TMSB10: variants seen among roughly 807,000 people sequenced by gnomAD.
TMSB10 encodes thymosin beta-10.
A neutral mutation model predicts 4.5 loss-of-function variants in TMSB10; 4 were observed. That is an observed-to-expected ratio of 0.89 (90% confidence interval 0.44 to 2.03). The LOEUF (loss-of-function observed/expected upper bound fraction) is 2.03, where lower values mean the gene tolerates loss of function less well. Among genes scored for constraint, TMSB10 ranks in the 30% most tolerant of loss-of-function variants. The pLI, the probability that TMSB10 is intolerant of heterozygous loss-of-function variation, is 0.03. For synonymous variants in TMSB10, 17 were observed against 20.3 expected, an observed-to-expected ratio of 0.84 and a Z score of 0.44; for missense variants, 44 against 53.9, an observed-to-expected ratio of 0.82 and a Z score of 0.57.
At chr2:84,906,244 T>A in intron 2 of TMSB10, 127 bp downstream of exon 2, 1 of 1,433,960 alleles carries the variant, frequency 7.0e-7, no homozygotes, top group Non-Finnish European at 9.4e-7. Context: ...CTCTTTCAGT[T>A]TCACAAAGCG....
rs1033603777 is a variant in TMSB10 at position 84,905,793 on chromosome 2, C to T, written c.-16+75C>T. The T allele has an allele frequency of 5.4e-5, 22 of 404,472 alleles. No homozygotes were observed. The East Asian group carries it at 1.0e-3, about 18-fold the overall frequency. The allele number at this position is 404,472 out of a possible 1,614,324, so 25.1% of individuals were successfully genotyped here. On this transcript the variant is annotated intron_variant, in intron 1 of 2. Transcript: ENST00000233143. ...GGTGCACCGGGCGGGCGCGCCGCAA[C>T]CGCGACAGGCGCCCTTCTCGGACCG... is the stretch of plus-strand genomic sequence containing the variant.
At chr2:84,905,833 C>T (rs1429788784) in intron 1 of TMSB10, 115 bp downstream of exon 1, 9 of 480,142 alleles carry the variant, frequency 1.9e-5, no homozygotes, top group Non-Finnish European at 2.9e-5. Context: ...CAGGGGCCGG[C>T]GACCACGCCC....
At chr2:84,905,825 G>T in intron 1 of TMSB10, 107 bp downstream of exon 1, 1 of 462,914 alleles carries the variant, frequency 2.2e-6, no homozygotes, top group Non-Finnish European at 3.8e-6. Flanking sequence ...ACCGGACGCA[G>T]GGGCCGGCGA....
rs1375284175 is a variant in TMSB10, at chr2:84,906,507, G to T, written c.*84G>T. On this transcript the variant is annotated 3_prime_UTR_variant, in exon 3 of 3. Transcript: ENST00000233143. ...AGAGCCACCTGCAAGATGGACACGA[G>T]CCACAAGCTGCACTGTGAACCTGGG... 6.0e-6 allele frequency: 9 copies of T among 1,494,612 alleles called. No homozygotes were observed. The African/African-American group carries it at 1.2e-4, about 21-fold the overall frequency. The allele number at this position is 1,494,612 out of a possible 1,614,324, so 92.6% of individuals were successfully genotyped here. A position where few individuals can be genotyped will look rare whatever the true frequency, so the allele number is the denominator to read the frequency against.
rs1683696887 is a variant in TMSB10, at chr2:84,906,466, G to C, written c.*43G>C. The C allele has an allele frequency of 6.3e-7, 1 of 1,583,524 alleles. No individual in the cohort carries two copies. The highest frequency in any genetic ancestry group is 1.3e-5 in the African/African-American group (1 of 74,376). ...TACCCCCGTCCTCTTCGAGACCCCA[G>C]TCGTGATGTGGAGGAAGAGCCACCT... is the stretch of plus-strand genomic sequence containing the variant. On this transcript the variant is annotated 3_prime_UTR_variant, in exon 3 of 3. Coordinates refer to ENST00000233143, the MANE Select transcript of TMSB10 (RefSeq NM_021103.4).
chr2:84,905,959 G>C, intron 1 of TMSB10, 44 bp from the exon 2 acceptor site: 1 of 1,527,762 alleles, frequency 6.5e-7, no homozygotes, highest in Non-Finnish European at 9.0e-7. Flanking sequence ...GGAAGGGGAC[G>C]CTGGCCCCCA....
At chr2:84,905,849 C>A in intron 1 of TMSB10, 131 bp downstream of exon 1, 1 of 567,800 alleles carries the variant, frequency 1.8e-6, no homozygotes, top group Non-Finnish European at 3.0e-6. Context: ...CGCCCTGGGA[C>A]CGAGAAGAGG....
chr2:84,906,327 G>C (rs982198270), intron 2 of TMSB10, 62 bp from the exon 3 acceptor site: 11 of 1,544,614 alleles, frequency 7.1e-6, no homozygotes, highest in Middle Eastern at 1.7e-4. Context: ...ACACCGGGAA[G>C]CACCTCGGTT....
At position 84,906,588 on chromosome 2, in the gene TMSB10, G is replaced by A; in HGVS notation, c.*165G>A. Reference sequence around the variant, plus strand: ...TCTCTGAAGGGACCCCCCCCCAATCGGACTGCCAAATTCTCCGGTTTGCCC... The same window carrying A: ...TCTCTGAAGGGACCCCCCCCCAATCAGACTGCCAAATTCTCCGGTTTGCCC... On this transcript the variant is annotated 3_prime_UTR_variant, in exon 3 of 3. Transcript: ENST00000233143. The A allele has an allele frequency of 1.6e-6, 1 of 612,704 alleles. No individual in the cohort carries two copies. The highest frequency in any genetic ancestry group is 3.5e-5 in the South Asian group (1 of 28,220). 38.0% of individuals were successfully genotyped at this position (612,704 alleles called of 1,614,324 possible).
At position 84,906,101 on chromosome 2, in the gene TMSB10, C is replaced by G. The variant is rs1461738314; in HGVS notation, c.84C>G (p.Thr28=). 1 of 1,614,006 alleles carries G rather than the reference C, an allele frequency of 6.2e-7. No individual in the cohort carries two copies. The highest frequency in any genetic ancestry group is 8.5e-7 in the Non-Finnish European group (1 of 1,179,948). Residue 28 remains threonine, a synonymous_variant, in exon 2 of 3, where the codon ACC becomes ACG. Coordinates refer to ENST00000233143, the MANE Select transcript of TMSB10 (RefSeq NM_021103.4). ...AAACGGAGACGCAGGAGAAGAACAC[C>G]CTGCCGACCAAAGAGAGTGAGTGTG... ...LKKTETQEKN[T]LPTKETIEQE... is the part of the protein sequence containing the mutation.
Position 84,906,042 on chromosome 2 carries a change from G to A in TMSB10, c.25G>A (p.Glu9Lys). The A allele has an allele frequency of 1.2e-6, 2 of 1,614,052 alleles. No homozygotes were observed. Among genetic ancestry groups the A allele is most frequent in the South Asian group, 2.2e-5 (2 of 91,078 alleles). ...AATGGCAGACAAACCAGACATGGGG[G>A]AAATCGCCAGCTTCGATAAGGCCAA... The part of the protein sequence containing the change: MADKPDMG[E>K]IASFDKAKLK... Residue 9 changes from glutamate to lysine, a missense_variant, in exon 2 of 3, where the codon GAA becomes AAA. By Grantham distance (56) the Glu-to-Lys change is moderately conservative (BLOSUM62 1). Coordinates refer to ENST00000233143, the MANE Select transcript of TMSB10 (RefSeq NM_021103.4).
intron 2 of TMSB10, 46 bp from the exon 3 acceptor site, chr2:84,906,343 T>C: frequency 6.4e-7 from 1 of 1,566,338 alleles, no homozygotes; most frequent in Non-Finnish European, 8.7e-7. Context: ...CGGTTGCGGG[T>C]GGGGGTTGCA....
chr2:84,905,850 C>T, intron 1 of TMSB10, 132 bp downstream of exon 1: 2 of 571,392 alleles, frequency 3.5e-6, no homozygotes, highest in Non-Finnish European at 6.0e-6. Flanking sequence ...GCCCTGGGAC[C>T]GAGAAGAGGG....
chr2:84,906,440 C>T lies in TMSB10; in HGVS notation c.*17C>T. ...ATTTCCTAAGATCCTGGAGGATTTC[C>T]TACCCCCGTCCTCTTCGAGACCCCA... On this transcript the variant is annotated 3_prime_UTR_variant, in exon 3 of 3. Coordinates refer to ENST00000233143, the MANE Select transcript of TMSB10 (RefSeq NM_021103.4). The T allele has an allele frequency of 6.2e-7, 1 of 1,604,452 alleles. No individual in the cohort carries two copies.
At position 84,906,163 on chromosome 2, in the gene TMSB10, T is replaced by A. The variant is rs574777968; in HGVS notation, c.100+46T>A. The A allele has an allele frequency of 1.4e-4, 220 of 1,576,456 alleles. 4 individuals carry two copies. In the South Asian group the frequency reaches 2.5e-3, roughly 18 times the overall value. ...CGCGCCCCAGCCCAGCCCCTCACCC[T>A]GCTCTTCCTTGCAAACCCACTCCTC... On this transcript the variant is annotated intron_variant, in intron 2 of 2. Coordinates refer to ENST00000233143, the MANE Select transcript of TMSB10 (RefSeq NM_021103.4).
chr2:84,906,662 C>T lies in TMSB10; in HGVS notation c.*239C>T. The T allele has an allele frequency of 2.4e-6, 1 of 412,416 alleles. No individual in the cohort carries two copies. The highest frequency in any genetic ancestry group is 4.3e-6 in the Non-Finnish European group (1 of 232,542). 25.5% of individuals were successfully genotyped at this position (412,416 alleles called of 1,614,324 possible). A position where few individuals can be genotyped will look rare whatever the true frequency, so the allele number is the denominator to read the frequency against. ...GTATGAATAATGAAAATAAAACACA[C>T]CTCGTGGCATGGCTGGCGTGGTCTG... On this transcript the variant is annotated 3_prime_UTR_variant, in exon 3 of 3. Transcript: ENST00000233143.
intron 1 of TMSB10, 23 bp from the exon 2 acceptor site, chr2:84,905,980 A>C: frequency 6.2e-7 from 1 of 1,603,098 alleles, no homozygotes; most frequent in Non-Finnish European, 8.5e-7. Context: ...GGCCCAGGTC[A>C]AGCGCCTTGG....
intron 2 of TMSB10, 102 bp downstream of exon 2, chr2:84,906,219 G>C: frequency 1.4e-6 from 2 of 1,450,148 alleles, no homozygotes; most frequent in Non-Finnish European, 1.9e-6. Flanking sequence ...TCCCCGGTGT[G>C]GGCGGCCCCG....
In TMSB10 at chr2:84,906,583, C is replaced by T. The variant is rs991995204; in HGVS notation, c.*160C>T. On this transcript the variant is annotated 3_prime_UTR_variant, in exon 3 of 3. Transcript: ENST00000233143. ...GTGGGTCTCTGAAGGGACCCCCCCCCAATCGGACTGCCAAATTCTCCGGTT... is the reference window on the plus strand; with the variant it reads ...GTGGGTCTCTGAAGGGACCCCCCCCTAATCGGACTGCCAAATTCTCCGGTT... 27 of 644,732 alleles carry T rather than the reference C, an allele frequency of 4.2e-5. No individual in the cohort carries two copies. Among genetic ancestry groups the T allele is most frequent in the African/African-American group, 4.0e-4 (21 of 52,976 alleles). The allele number at this position is 644,732 out of a possible 1,614,324, so 39.9% of individuals were successfully genotyped here.
Sources: allele counts gnomAD v4.1 joint callset, GRCh38; gene constraint gnomAD v4.1.1; transcripts MANE v1.5; gene names NCBI Gene and HGNC (gene_info 2026-07-23, HGNC 2026-07-21).